SCML4: variants seen among roughly 807,000 people sequenced by gnomAD.
SCML4 encodes sex comb on midleg-like protein 4.
In SCML4, 34 loss-of-function variants were observed where a neutral mutation model predicts 41.1. That is an observed-to-expected ratio of 0.83 (90% CI 0.63 to 1.10). SCML4 has a LOEUF of 1.10. Among genes scored for constraint, SCML4 ranks in the 50% least tolerant of loss-of-function variants. The probability of loss-of-function intolerance (pLI) is 0.00; values close to 1 mark genes in which losing one functional copy is unlikely to be tolerated. For missense variants in SCML4, 522 were observed against 534.1 expected (o/e 0.98, Z 0.22); for synonymous variants, 214 against 220.9 (o/e 0.97, Z 0.28).
intron 1 of SCML4, among the ~76,000 whole-genome samples, chr6:107,816,977 C>G (rs1020229697): frequency 9.9e-5 from 15 of 152,184 alleles, no homozygotes; most frequent in African/African-American, 3.1e-4. Flanking sequence ...AGTACACACA[C>G]AGAACACAGG....
intron 2 of SCML4, among the ~76,000 whole-genome samples, chr6:107,761,627 G>A (rs1056233869): frequency 6.6e-6 from 1 of 151,820 alleles, no homozygotes; most frequent in Admixed American, 6.6e-5. Flanking sequence ...AGTAGAAATG[G>A]GGTTGCATCA....
chr6:107,724,659 G>A (rs1014081476), intron 5 of SCML4, among the ~76,000 whole-genome samples: 1 of 152,142 alleles, frequency 6.6e-6, no homozygotes, highest in African/African-American at 2.4e-5. Context: ...AAAATCTCAT[G>A]TTCATAGATC....
At chr6:107,770,592 T>C (rs927266116) in intron 2 of SCML4, among the ~76,000 whole-genome samples, 1 of 152,186 alleles carries the variant, frequency 6.6e-6, no homozygotes, top group Admixed American at 6.5e-5. Flanking sequence ...ACTGCCTGCT[T>C]TGGGCAGAGC....
In SCML4 at chr6:107,720,839, A is replaced by C. The variant is rs1224634979; in HGVS notation, c.837T>G (p.Leu279=). Residue 279 remains leucine, a synonymous_variant, in exon 6 of 8, where the codon CTT becomes CTG. Transcript: ENST00000369020. ...CAGCGGTGGCAGCAGGACCACCCCC[A>C]AGGTGGCTGTCTCCAGAGTTCTGCC... ...CKRQNSGDSH[L]GGGPAATAGG... The C allele has an allele frequency of 1.2e-6, 2 of 1,614,000 alleles. No homozygotes were observed. Among genetic ancestry groups the C allele is most frequent in the Non-Finnish European group, 1.7e-6 (2 of 1,179,974 alleles).
chr6:107,794,264 G>C (rs561652008), intron 1 of SCML4, among the ~76,000 whole-genome samples: 1 of 152,270 alleles, frequency 6.6e-6, no homozygotes, highest in Admixed American at 6.5e-5. Context: ...GAAATGCTCA[G>C]GATGAGACAT....
the SCML4 span, among the ~76,000 whole-genome samples, chr6:107,843,963 A>G: frequency 1.3e-5 from 2 of 152,156 alleles, no homozygotes; most frequent in African/African-American, 2.4e-5. Context: ...GAAGCAAAAC[A>G]AAGCAAAAAC....
intron 1 of SCML4, among the ~76,000 whole-genome samples, chr6:107,805,339 G>C (rs1384292848): frequency 1.3e-5 from 2 of 152,182 alleles, no homozygotes. Context: ...TTCTAAGACA[G>C]TGCCTAAAAT....
intron 1 of SCML4, among the ~76,000 whole-genome samples, chr6:107,781,552 T>A (rs1360587219): frequency 1.3e-5 from 2 of 151,366 alleles, no homozygotes; most frequent in African/African-American, 4.9e-5. Context: ...GAGGCTGAAG[T>A]GGGAGGATTG....
At chr6:107,729,345 G>T (rs1000617508) in intron 5 of SCML4, among the ~76,000 whole-genome samples, 1 of 152,120 alleles carries the variant, frequency 6.6e-6, no homozygotes, top group Non-Finnish European at 1.5e-5. Flanking sequence ...TGGAGACAGC[G>T]CTCCAATCTC....
At chr6:107,845,717 G>A in the SCML4 span, among the ~76,000 whole-genome samples, 1 of 152,334 alleles carries the variant, frequency 6.6e-6, no homozygotes, top group Middle Eastern at 3.4e-3. Context: ...AGAACACAGG[G>A]TTACATTAGG....
chr6:107,803,860 T>A (rs1170513328), intron 1 of SCML4, among the ~76,000 whole-genome samples: 1 of 150,850 alleles, frequency 6.6e-6, no homozygotes, highest in Non-Finnish European at 1.5e-5. Flanking sequence ...AGCATGCTGG[T>A]TAAGAGTCAT....
At chr6:107,748,080 A>G (rs114841841) in intron 3 of SCML4, among the ~76,000 whole-genome samples, 82 of 152,358 alleles carry the variant, frequency 5.4e-4, no homozygotes, top group African/African-American at 1.9e-3. Flanking sequence ...ATAAGACACA[A>G]AAGTTATTTC....
chr6:107,759,293 G>A (rs925814793), intron 2 of SCML4, among the ~76,000 whole-genome samples: 1 of 151,940 alleles, frequency 6.6e-6, no homozygotes, highest in Non-Finnish European at 1.5e-5. Context: ...TTGCGCCACT[G>A]CACTCCAATC....
intron 2 of SCML4, among the ~76,000 whole-genome samples, chr6:107,766,474 C>A (rs1007817294): frequency 6.6e-6 from 1 of 152,044 alleles, no homozygotes; most frequent in African/African-American, 2.4e-5. Flanking sequence ...AAACCCTGTC[C>A]AGATAAAAAA....
At chr6:107,743,754 C>T (rs1416391542) in intron 5 of SCML4, among the ~76,000 whole-genome samples, 1 of 152,178 alleles carries the variant, frequency 6.6e-6, no homozygotes, top group Non-Finnish European at 1.5e-5. Flanking sequence ...GGCCAAATTT[C>T]TTCCTGTTTC....
intron 1 of SCML4, among the ~76,000 whole-genome samples, chr6:107,803,155 C>T (rs141642868): frequency 0.052 from 7,820 of 151,020 alleles, 715 homozygotes; most frequent in African/African-American, 0.18. Flanking sequence ...CGCCTTTGCC[C>T]GGCCGCCACC....
Position 107,739,371 on chromosome 6 carries a change from C to T in SCML4, c.682+5578G>A, listed in dbSNP as rs140276518. On this transcript the variant is annotated intron_variant, in intron 5 of 7. Transcript: ENST00000369020. ...TAAAATCACATCTTTCCCAAATCTT[C>T]TCTTTTTTTCTACCAAAAACATCCC... 1.4e-3 allele frequency among the ~76,000 whole-genome samples: 209 copies of T among 152,212 alleles called. 1 individual carries two copies. In the East Asian group the frequency reaches 0.022, roughly 16 times the overall value.
At chr6:107,751,473 G>A (rs1778616887) in intron 2 of SCML4, among the ~76,000 whole-genome samples, 1 of 152,168 alleles carries the variant, frequency 6.6e-6, no homozygotes, top group African/African-American at 2.4e-5. Context: ...AATAAAGCCA[G>A]GTTGGGCAGG....
chr6:107,841,216 T>G, the SCML4 span, among the ~76,000 whole-genome samples: 2 of 151,530 alleles, frequency 1.3e-5, no homozygotes, highest in Non-Finnish European at 2.9e-5. Flanking sequence ...TTCTGGCTGC[T>G]CAGGAGGCTG....
Sources: allele counts gnomAD v4.1 joint callset (sites outside exome capture counted in the v4.1 genomes callset), GRCh38; gene constraint gnomAD v4.1.1; transcripts MANE v1.5; gene names NCBI Gene and HGNC (gene_info 2026-07-23, HGNC 2026-07-21).